RAB3GAP1: variants seen among roughly 807,000 people sequenced by gnomAD.
RAB3GAP1 encodes the protein rab3 GTPase-activating protein catalytic subunit.
RAB3GAP1 carries 86 observed loss-of-function variants against 130.7 expected under a neutral mutation model. The ratio of observed to expected loss-of-function variants is 0.66; its 90% CI spans 0.55 to 0.79. The LOEUF (loss-of-function observed/expected upper bound fraction) is 0.79, where lower values mean the gene tolerates loss of function less well. RAB3GAP1 is among the 30% of genes least tolerant of loss of function. RAB3GAP1 has a pLI of 0.00. For synonymous variants in RAB3GAP1, 367 were observed against 401.7 expected (o/e 0.91, Z 1.03); for missense variants, 1,029 against 1,169.4 (o/e 0.88, Z 1.75).
At chr2:135,096,435 T>C (rs1339263221) in intron 5 of RAB3GAP1, among the ~76,000 whole-genome samples, 1 of 152,210 alleles carries the variant, frequency 6.6e-6, no homozygotes, top group Non-Finnish European at 1.5e-5. Context: ...TTCATAAATA[T>C]TCCTCTTTTA....
At chr2:135,150,133 G>C (rs1692132139) in intron 17 of RAB3GAP1, among the ~76,000 whole-genome samples, 1 of 152,080 alleles carries the variant, frequency 6.6e-6, no homozygotes, top group South Asian at 2.1e-4. Context: ...ATCAATCCTT[G>C]TCAAGGGAAA....
Position 135,091,057 on chromosome 2 carries a change from C to G in RAB3GAP1, c.210C>G (p.Phe70Leu). ...EKSDEISFAD[F>L]KFSVTHHYLV... is the part of the protein sequence containing the mutation. ...CAGATGAAATTTCCTTTGCTGACTT[C>G]AAGTTCTCAGTCACTCATCATTATC... Residue 70 changes from phenylalanine (F) to leucine (L), a missense_variant, in exon 4 of 24, where the codon TTC becomes TTG. This residue lies in a region of RAB3GAP1 where 510 missense variants were observed against 532.1 expected (regional missense o/e 0.96). Coordinates refer to ENST00000264158, the MANE Select transcript of RAB3GAP1 (RefSeq NM_012233.3). The G allele has an allele frequency of 6.2e-7, 1 of 1,609,376 alleles. No individual in the cohort carries two copies. Among genetic ancestry groups the G allele is most frequent in the South Asian group, 1.1e-5 (1 of 90,986 alleles).
intron 19 of RAB3GAP1, among the ~76,000 whole-genome samples, chr2:135,160,079 G>A (rs777107735): frequency 1.3e-5 from 2 of 152,050 alleles, no homozygotes; most frequent in Non-Finnish European, 2.9e-5. Context: ...TAATGGTGAT[G>A]GTAACATAAC....
At chr2:135,143,819 G>T (rs574267159) in intron 17 of RAB3GAP1, among the ~76,000 whole-genome samples, 1 of 151,424 alleles carries the variant, frequency 6.6e-6, no homozygotes, top group Non-Finnish European at 1.5e-5. Flanking sequence ...AAAGTGCTGG[G>T]ATTACAGGCG....
At chr2:135,112,208 A>G (rs1690822313) in intron 5 of RAB3GAP1, among the ~76,000 whole-genome samples, 1 of 152,190 alleles carries the variant, frequency 6.6e-6, no homozygotes, top group Admixed American at 6.5e-5. Flanking sequence ...TAATATGATG[A>G]TGAAACCTAC....
rs867300054 is a variant in RAB3GAP1, at chr2:135,075,059, G to A, written c.151-15939G>A. ...ATCATTTAGTCCTCAAGTTTTTAAC[G>A]TTTAAAAAAAAATGCTTCTGGAATT... On this transcript the variant is annotated intron_variant, in intron 3 of 23. Transcript: ENST00000264158. Among the ~76,000 whole-genome samples, 34 of 151,864 alleles carry A rather than the reference G, an allele frequency of 2.2e-4. 1 individual carries two copies. The highest frequency in any genetic ancestry group is 4.1e-4 in the Non-Finnish European group (28 of 67,954).
chr2:135,092,267 G>A (rs934300097), intron 4 of RAB3GAP1, among the ~76,000 whole-genome samples: 11 of 152,196 alleles, frequency 7.2e-5, no homozygotes, highest in African/African-American at 2.4e-4. Context: ...CAGGTTCAAC[G>A]TTCTGCCAAT....
chr2:135,152,773 C>G (rs1221704900), intron 18 of RAB3GAP1: 2 of 152,170 alleles, frequency 1.3e-5, no homozygotes, highest in Non-Finnish European at 2.9e-5. Flanking sequence ...TAAGACAGAA[C>G]ATTCTCATCA....
intron 6 of RAB3GAP1, among the ~76,000 whole-genome samples, chr2:135,114,140 A>G (rs1332658452): frequency 1.3e-5 from 2 of 152,238 alleles, no homozygotes; most frequent in South Asian, 2.1e-4. Flanking sequence ...GTATATAAGG[A>G]CAAAACTAAT....
Position 135,133,929 on chromosome 2 carries a change from T to C in RAB3GAP1, c.1395T>C (p.Cys465=), listed in dbSNP as rs747002210. 1 of 1,613,932 alleles carries C rather than the reference T, an allele frequency of 6.2e-7. No individual in the cohort carries two copies. The highest frequency in any genetic ancestry group is 8.5e-7 in the Non-Finnish European group (1 of 1,179,818). ...SLTYKLALCL[C]MINFYHGGLK... is the part of the protein sequence containing the mutation. The stretch of plus-strand genomic sequence containing the variant: ...CATACAAACTGGCTTTGTGTCTCTG[T>C]ATGATCAATTTTTACCATGGAGGGT... The change falls in exon 15 of 24, where the codon TGT becomes TGC. Residue 465 remains cysteine (C), a synonymous_variant. Transcript: ENST00000264158.
intron 17 of RAB3GAP1, among the ~76,000 whole-genome samples, chr2:135,144,024 A>G (rs758097040): frequency 2.9e-4 from 44 of 152,156 alleles, no homozygotes; most frequent in Admixed American, 5.2e-4. Flanking sequence ...GTGGCTGGCA[A>G]TGCTTCTGCC....
chr2:135,083,682 C>T (rs1471009390), intron 3 of RAB3GAP1, among the ~76,000 whole-genome samples: 1 of 149,358 alleles, frequency 6.7e-6, no homozygotes, highest in Non-Finnish European at 1.5e-5. Context: ...TCAGGCTGGT[C>T]CTAAACTCTT....
intron 3 of RAB3GAP1, among the ~76,000 whole-genome samples, chr2:135,082,018 T>C (rs955485506): frequency 1.7e-4 from 26 of 152,094 alleles, no homozygotes; most frequent in African/African-American, 6.0e-4. Flanking sequence ...GGCACACACC[T>C]GTAGTCCCAG....
chr2:135,099,196 G>C (rs1690382913), intron 5 of RAB3GAP1, among the ~76,000 whole-genome samples: 1 of 152,088 alleles, frequency 6.6e-6, no homozygotes, highest in African/African-American at 2.4e-5. Flanking sequence ...TTATCAGATT[G>C]AGAAAATTCC....
At chr2:135,074,123 A>T (rs956402697) in intron 3 of RAB3GAP1, among the ~76,000 whole-genome samples, 1 of 152,218 alleles carries the variant, frequency 6.6e-6, no homozygotes, top group African/African-American at 2.4e-5. Context: ...GGGGAAAGGG[A>T]TGAGGGAAGA....
chr2:135,057,191 ATACTT>A (rs1223093586), intron 2 of RAB3GAP1, among the ~76,000 whole-genome samples: 5 of 152,178 alleles, frequency 3.3e-5, no homozygotes, highest in African/African-American at 1.2e-4. Flanking sequence ...CCTGTCACTT[ATACTT>A]AAAGTTGACA....
rs1032366668 is a variant in RAB3GAP1, at chr2:135,167,875, AT to A, written c.2710-662del. On this transcript the variant is annotated intron_variant, in intron 23 of 23. Coordinates refer to ENST00000264158, the MANE Select transcript of RAB3GAP1 (RefSeq NM_012233.3). Reference sequence around the variant, plus strand: ...ATTTCATGTTTCCATTGCCAAAACAATTTTTTTTCCCAAATTGATGGTATTA... The same window carrying A: ...ATTTCATGTTTCCATTGCCAAAACAATTTTTTTCCCAAATTGATGGTATTA... 3.3e-5 allele frequency among the ~76,000 whole-genome samples: 5 copies of A among 152,076 alleles called. No individual in the cohort carries two copies. The South Asian group carries it at 6.2e-4, about 19-fold the overall frequency.
chr2:135,115,528 C>T (rs966953753), intron 7 of RAB3GAP1, 147 bp downstream of exon 7: 10 of 806,326 alleles, frequency 1.2e-5, no homozygotes, highest in Non-Finnish European at 1.7e-5. Flanking sequence ...ACATAAATTA[C>T]TTTGTAATTT....
At position 135,126,616 on chromosome 2, in the gene RAB3GAP1, T is replaced by A. The variant is rs1432168678; in HGVS notation, c.933T>A (p.Ser311=). 2.5e-6 allele frequency: 4 copies of A among 1,613,352 alleles called. No individual in the cohort carries two copies. The highest frequency in any genetic ancestry group is 3.4e-6 in the Non-Finnish European group (4 of 1,179,452). The change falls in exon 11 of 24, where the codon TCT becomes TCA. Residue 311 remains serine (S), a synonymous_variant. Coordinates refer to ENST00000264158, the MANE Select transcript of RAB3GAP1 (RefSeq NM_012233.3). ...ATCCTATTCAAGCTCCACATTGGTC[T>A]GTTAGAGTTCGAAAAGCTGAGAATC... ...DLDPIQAPHW[S]VRVRKAENPQ...
Sources: allele counts gnomAD v4.1 joint callset (sites outside exome capture counted in the v4.1 genomes callset), GRCh38; gene constraint gnomAD v4.1.1; regional missense constraint gnomAD v4.1.1; transcripts MANE v1.5; gene names NCBI Gene and HGNC (gene_info 2026-07-23, HGNC 2026-07-21).